Variants in FHIT observed in about 807,000 individuals in gnomAD.
FHIT encodes the protein bis(5'-adenosyl)-triphosphatase.
In FHIT, 19 loss-of-function variants were observed where a neutral mutation model predicts 17.9. The observed-to-expected ratio is 1.06, with a 90% confidence interval of 0.74 to 1.56. FHIT has a LOEUF of 1.56. Ranked by LOEUF, FHIT falls within the 40% of genes most tolerant of loss-of-function variation. The pLI is 0.00. For synonymous variants in FHIT, 81 were observed against 69.7 expected (o/e 1.16, Z -0.81); for missense variants, 248 against 189.2 (o/e 1.31, Z -1.82).
intron 3 of FHIT, among the ~76,000 whole-genome samples, chr3:60,908,773 G>A (rs1311736060): frequency 2.7e-5 from 4 of 149,474 alleles, no homozygotes; most frequent in Non-Finnish European, 5.9e-5. Context: ...GACCAGAGTC[G>A]AAGCTTGAAA....
At chr3:60,240,037 C>T (rs967774728) in intron 5 of FHIT, among the ~76,000 whole-genome samples, 1 of 152,088 alleles carries the variant, frequency 6.6e-6, no homozygotes, top group African/African-American at 2.4e-5. Flanking sequence ...TAAAACAACA[C>T]AAAAAACTGT....
intron 5 of FHIT, among the ~76,000 whole-genome samples, chr3:60,208,769 G>A (rs576063993): frequency 4.7e-4 from 71 of 152,272 alleles, no homozygotes; most frequent in African/African-American, 1.5e-3. Context: ...ACAGGCAATC[G>A]ATTTCTGTGT....
rs1260230698 is a variant in FHIT at position 60,383,746 on chromosome 3, T to C, written c.103+153114A>G. Among the ~76,000 whole-genome samples, 5 of 152,320 alleles carry C rather than the reference T, an allele frequency of 3.3e-5. No homozygotes were observed. The East Asian group carries it at 9.6e-4, about 29-fold the overall frequency. ...AGAGAGTTAGGAGGTACATCTACTATAAAAATAGCATTTTTCAACAGAGGC... is the reference window on the plus strand; with the variant it reads ...AGAGAGTTAGGAGGTACATCTACTACAAAAATAGCATTTTTCAACAGAGGC... On this transcript the variant is annotated intron_variant, in intron 5 of 9. Transcript: ENST00000492590.
At position 60,036,007 on chromosome 3, in the gene FHIT, A is replaced by C. The variant is rs1240510854; in HGVS notation, c.104-21855T>G. Among the ~76,000 whole-genome samples the C allele has an allele frequency of 2.0e-5, 3 of 152,324 alleles. No individual in the cohort carries two copies. The East Asian group carries it at 5.8e-4, about 29-fold the overall frequency. On this transcript the variant is annotated intron_variant, in intron 5 of 9. Transcript: ENST00000492590. ...ACTCTGATATCCAGGCTAAGAGAGC[A>C]AAAACCAGCTCAAATACTGTTAGGA...
chr3:61,069,925 CATT>C (rs1415487111), intron 2 of FHIT, among the ~76,000 whole-genome samples: 3 of 152,168 alleles, frequency 2.0e-5, no homozygotes, highest in Non-Finnish European at 4.4e-5. Context: ...TTGTTGTTGT[CATT>C]GTTGTTTTTG....
intron 4 of FHIT, among the ~76,000 whole-genome samples, chr3:60,583,002 CCG>C (rs2037795303): frequency 6.6e-6 from 1 of 151,836 alleles, no homozygotes; most frequent in Non-Finnish European, 1.5e-5. Context: ...ACCAATGATA[CCG>C]CTTTACTGCT....
At chr3:59,941,481 C>A (rs1706515171) in intron 7 of FHIT, among the ~76,000 whole-genome samples, 1 of 152,162 alleles carries the variant, frequency 6.6e-6, no homozygotes, top group African/African-American at 2.4e-5. Flanking sequence ...ATGCAAAGGG[C>A]CTCCTTGTGA....
chr3:61,204,896 C>T (rs978327271), intron 1 of FHIT, among the ~76,000 whole-genome samples: 2 of 152,024 alleles, frequency 1.3e-5, no homozygotes, highest in African/African-American at 2.4e-5. Context: ...CATATGTATA[C>T]ATGTGCCATG....
intron 2 of FHIT, among the ~76,000 whole-genome samples, chr3:61,115,838 C>T (rs984580098): frequency 2.0e-5 from 3 of 152,114 alleles, no homozygotes; most frequent in Admixed American, 6.6e-5. Flanking sequence ...AAAGGTGACA[C>T]GCTGTTCATA....
chr3:60,620,679 TAGG>T (rs1166639462), intron 4 of FHIT, among the ~76,000 whole-genome samples: 2 of 151,598 alleles, frequency 1.3e-5, no homozygotes, highest in Non-Finnish European at 2.9e-5. Context: ...AGATAGAACA[TAGG>T]AGATTTTTTA....
chr3:60,118,389 T>C (rs1347662729), intron 5 of FHIT, among the ~76,000 whole-genome samples: 2 of 152,054 alleles, frequency 1.3e-5, no homozygotes, highest in South Asian at 2.1e-4. Context: ...ATTATACGTG[T>C]GAGCCACTGC....
At chr3:59,912,963 G>C (rs1704954462) in intron 8 of FHIT, among the ~76,000 whole-genome samples, 1 of 152,196 alleles carries the variant, frequency 6.6e-6, no homozygotes, top group African/African-American at 2.4e-5. Context: ...AGCTCCAAAA[G>C]GATGACCTTG....
At chr3:60,303,339 G>T (rs1018620368) in intron 5 of FHIT, among the ~76,000 whole-genome samples, 1 of 152,180 alleles carries the variant, frequency 6.6e-6, no homozygotes, top group Non-Finnish European at 1.5e-5. Flanking sequence ...TAAGGCTAAT[G>T]GGTTTCAGCT....
chr3:59,902,393 C>T (rs1042823468), intron 8 of FHIT, among the ~76,000 whole-genome samples: 1 of 151,428 alleles, frequency 6.6e-6, no homozygotes, highest in Non-Finnish European at 1.5e-5. Flanking sequence ...AGAGTTTCCT[C>T]AAAAATTAAA....
intron 5 of FHIT, among the ~76,000 whole-genome samples, chr3:60,308,496 G>GTATATATATATATATATA (rs5849349): frequency 6.6e-4 from 93 of 140,874 alleles, no homozygotes; most frequent in African/African-American, 2.2e-3. Context: ...AGGTGTATGT[G>GTATATATATATATATATA]TATATATATA....
At chr3:60,039,505 T>A (rs1163750819) in intron 5 of FHIT, among the ~76,000 whole-genome samples, 1 of 151,922 alleles carries the variant, frequency 6.6e-6, no homozygotes, top group Non-Finnish European at 1.5e-5. Context: ...GGCAAGAGAG[T>A]CCTTGGAGAA....
At chr3:60,451,309 C>A (rs411122) in intron 5 of FHIT, among the ~76,000 whole-genome samples, 65,198 of 151,864 alleles carry the variant, frequency 0.43, 16,825 homozygotes, top group African/African-American at 0.72. Context: ...ATAAGGCCCA[C>A]CTCCAGCCTT....
At chr3:60,745,019 G>T (rs547128991) in intron 4 of FHIT, among the ~76,000 whole-genome samples, 1 of 152,086 alleles carries the variant, frequency 6.6e-6, no homozygotes, top group African/African-American at 2.4e-5. Flanking sequence ...AGGCAGAGGC[G>T]GGAGGATAGC....
chr3:59,934,439 T>C (rs1575723620), intron 7 of FHIT, among the ~76,000 whole-genome samples: 1 of 152,010 alleles, frequency 6.6e-6, no homozygotes, highest in African/African-American at 2.4e-5. Context: ...TTAGAGAGAA[T>C]GGACTTCTAA....
Sources: gnomAD v4.1 joint callset for allele counts (sites outside exome capture counted in the v4.1 genomes callset) on GRCh38, gnomAD v4.1.1 for gene constraint, MANE v1.5 for transcripts, NCBI Gene and HGNC (gene_info 2026-07-23, HGNC 2026-07-21) for gene names.